The following VWA3B variants were observed in gnomAD, a reference collection of about 807,000 sequenced individuals.
VWA3B encodes von Willebrand factor A domain-containing protein 3B.
VWA3B carries 138 observed loss-of-function variants against 158.3 expected under a neutral mutation model. That is an observed-to-expected ratio of 0.87 (90% confidence interval 0.76 to 1.00). The LOEUF is 1.00. Among genes scored for constraint, VWA3B ranks in the 50% least tolerant of loss-of-function variants. The pLI, the probability that VWA3B is intolerant of heterozygous loss-of-function variation, is 0.00. For missense variants in VWA3B, 1,555 were observed against 1,565.1 expected, an observed-to-expected ratio of 0.99 and a Z score of 0.11; for synonymous variants, 596 against 587.3, an observed-to-expected ratio of 1.01 and a Z score of -0.21.
chr2:98,280,899 G>T (rs1346022500), intron 22 of VWA3B, among the ~76,000 whole-genome samples: 1 of 152,238 alleles, frequency 6.6e-6, no homozygotes, highest in Non-Finnish European at 1.5e-5. Context: ...GTACTTGATA[G>T]CAGCTCACAA....
intron 13 of VWA3B, among the ~76,000 whole-genome samples, chr2:98,213,250 G>A (rs1341873682): frequency 6.6e-6 from 1 of 152,164 alleles, no homozygotes; most frequent in Non-Finnish European, 1.5e-5. Context: ...GGTGAAAAAC[G>A]TTGGGTTGAG....
chr2:98,269,608 C>T (rs1688074748), intron 21 of VWA3B: 1 of 152,208 alleles, frequency 6.6e-6, no homozygotes, highest in Non-Finnish European at 1.5e-5. Context: ...CCAATTGCAT[C>T]ACATTGTTTT....
At chr2:98,325,596 C>T in the VWA3B span, among the ~76,000 whole-genome samples, 10 of 152,064 alleles carry the variant, frequency 6.6e-5, no homozygotes, top group Admixed American at 3.3e-4. Flanking sequence ...TTGAGATGAA[C>T]GGGATCTGAA....
rs751205699 is a variant in VWA3B at position 98,133,847 on chromosome 2, CAG to C, written c.899_900del (p.Glu300ValfsTer13). The C allele has an allele frequency of 2.5e-6, 4 of 1,613,962 alleles. No individual in the cohort carries two copies. Among genetic ancestry groups the C allele is most frequent in the Admixed American group, 3.3e-5 (2 of 59,994 alleles). ...AGATTCCACGCATTTGCCGAGAGAA[CAG>C]AGTGTGTAGAATTTCCTGCATTCTC... is the stretch of plus-strand genomic sequence containing the variant. On this transcript the variant is annotated frameshift_variant, in exon 7 of 28. Coordinates refer to ENST00000477737, the MANE Select transcript of VWA3B (RefSeq NM_144992.5). LOFTEE classifies it high-confidence loss of function.
chr2:98,329,511 T>C, the VWA3B span, among the ~76,000 whole-genome samples: 1 of 152,182 alleles, frequency 6.6e-6, no homozygotes. Flanking sequence ...CAACCCTTTT[T>C]TTTTAATGGG....
At chr2:98,217,098 A>C in intron 13 of VWA3B, 2 of 652,956 alleles carry the variant, frequency 3.1e-6, no homozygotes, top group Admixed American at 3.1e-5. Context: ...TCAATGGCAG[A>C]GGGAGCTCCA....
chr2:98,171,505 GAA>G (rs1242817584), intron 8 of VWA3B, among the ~76,000 whole-genome samples: 1 of 152,126 alleles, frequency 6.6e-6, no homozygotes, highest in African/African-American at 2.4e-5. Flanking sequence ...TAGAAGAACT[GAA>G]AAGAGGAGTG....
rs1405028682 is a variant in VWA3B, at chr2:98,093,308, C to G, written c.196+20C>G. On this transcript the variant is annotated intron_variant, in intron 2 of 27. Coordinates refer to ENST00000477737, the MANE Select transcript of VWA3B (RefSeq NM_144992.5). ...GTGAAGGTACAGTACTCACAAACAA[C>G]CAGCATGCTGCCATTTAGCCTTTGA... is the stretch of plus-strand genomic sequence containing the variant. 1 of 1,609,586 alleles carries G rather than the reference C, an allele frequency of 6.2e-7. No homozygotes were observed. The highest frequency in any genetic ancestry group is 1.7e-5 in the Admixed American group (1 of 59,928).
chr2:98,171,490 C>T (rs1328790203), intron 8 of VWA3B, among the ~76,000 whole-genome samples: 1 of 152,014 alleles, frequency 6.6e-6, no homozygotes, highest in Non-Finnish European at 1.5e-5. Context: ...AGGAGAACAG[C>T]ACTTTAGAAG....
intron 9 of VWA3B, among the ~76,000 whole-genome samples, chr2:98,184,627 A>C (rs1364031734): frequency 6.6e-6 from 1 of 151,324 alleles, no homozygotes; most frequent in Non-Finnish European, 1.5e-5. Context: ...AAATCCCCCC[A>C]CCCCGCCCTC....
chr2:98,123,441 G>A (rs892864152), intron 5 of VWA3B, among the ~76,000 whole-genome samples: 1 of 152,218 alleles, frequency 6.6e-6, no homozygotes, highest in Admixed American at 6.5e-5. Flanking sequence ...GATGCCCAGA[G>A]AGGCTCCTGG....
chr2:98,256,158 CAA>C lies in VWA3B; in HGVS notation c.2828_2829del (p.Gln943ArgfsTer43). 1 of 1,609,628 alleles carries C rather than the reference CAA, an allele frequency of 6.2e-7. No homozygotes were observed. The highest frequency in any genetic ancestry group is 8.5e-7 in the Non-Finnish European group (1 of 1,178,870). ...LNKIVWRALS[Q>X]EEKEKLDANK... ...TAAAATTGTTTGGCGAGCATTATCTCAAGAGGAAAAAGAAAAGTAAGCCATTC... is the reference window on the plus strand; with the variant it reads ...TAAAATTGTTTGGCGAGCATTATCTCGAGGAAAAAGAAAAGTAAGCCATTC... On this transcript the variant is annotated frameshift_variant, in exon 21 of 28. Coordinates refer to ENST00000477737, the MANE Select transcript of VWA3B (RefSeq NM_144992.5). LOFTEE classifies it high-confidence loss of function.
chr2:98,291,768 T>C (rs1689506868), intron 23 of VWA3B: 1 of 152,234 alleles, frequency 6.6e-6, no homozygotes, highest in East Asian at 1.9e-4. Flanking sequence ...CATGATGAAT[T>C]GCAGGTGCCT....
At chr2:98,311,263 G>C (rs187584590) in intron 26 of VWA3B, among the ~76,000 whole-genome samples, 5 of 152,330 alleles carry the variant, frequency 3.3e-5, no homozygotes, top group African/African-American at 1.2e-4. Flanking sequence ...GCACTTCTGG[G>C]TAAATAAGCT....
rs143647500 is a variant in VWA3B at position 98,275,033 on chromosome 2, G to A, written c.3045+4150G>A. On this transcript the variant is annotated intron_variant, in intron 22 of 27. Coordinates refer to ENST00000477737, the MANE Select transcript of VWA3B (RefSeq NM_144992.5). ...TCCCATCACATGTCATCCTCTAACCGTCTGCCACGTGTTTGTTTATTTTGC... is the reference window on the plus strand; with the variant it reads ...TCCCATCACATGTCATCCTCTAACCATCTGCCACGTGTTTGTTTATTTTGC... Among the ~76,000 whole-genome samples the A allele has an allele frequency of 1.6e-4, 25 of 152,274 alleles. 2 individuals are homozygous for A. Among genetic ancestry groups the A allele is most frequent in the East Asian group, 1.4e-3 (7 of 5,184 alleles).
intron 1 of VWA3B, among the ~76,000 whole-genome samples, chr2:98,089,670 T>C (rs1170748954): frequency 2.0e-5 from 3 of 148,774 alleles, no homozygotes; most frequent in African/African-American, 7.6e-5. Context: ...TTCCAGACAA[T>C]ACAAATATTC....
chr2:98,113,128 G>T (rs960469784), intron 2 of VWA3B, among the ~76,000 whole-genome samples: 1 of 151,302 alleles, frequency 6.6e-6, no homozygotes, highest in Non-Finnish European at 1.5e-5. Flanking sequence ...TCAACATCTG[G>T]TCCATTTCAG....
intron 12 of VWA3B, among the ~76,000 whole-genome samples, chr2:98,200,543 A>T: frequency 1.5e-5 from 1 of 68,904 alleles, no homozygotes; most frequent in East Asian, 5.6e-4. Context: ...ACTCCATCTC[A>T]AAAAAAAAAA....
chr2:98,137,230 T>C (rs1437765922), intron 7 of VWA3B, among the ~76,000 whole-genome samples: 2 of 152,236 alleles, frequency 1.3e-5, no homozygotes, highest in African/African-American at 4.8e-5. Context: ...ACCTTCATAC[T>C]GTTTTCCATA....
Sources: allele counts gnomAD v4.1 joint callset (sites outside exome capture counted in the v4.1 genomes callset), GRCh38; gene constraint gnomAD v4.1.1; transcripts MANE v1.5; gene names NCBI Gene and HGNC (gene_info 2026-07-23, HGNC 2026-07-21).